The following FHOD3 variants were observed in gnomAD, a reference collection of about 807,000 sequenced individuals.
FHOD3 encodes the protein formin homology 2 domain containing 3, also known as FH1/FH2 domain-containing protein 3.
A neutral mutation model predicts 173.0 loss-of-function variants in FHOD3; 90 were observed. The observed-to-expected ratio is 0.52, with a 90% confidence interval of 0.44 to 0.62. The LOEUF is 0.62. Ranked by LOEUF, FHOD3 falls within the 20% of genes least tolerant of loss-of-function variation. The probability of loss-of-function intolerance (pLI) is 0.00; values close to 1 mark genes in which losing one functional copy is unlikely to be tolerated. For synonymous variants in FHOD3, 828 were observed against 823.0 expected (o/e 1.01, Z -0.10); for missense variants, 1,945 against 2,034.7 (o/e 0.96, Z 0.85).
At chr18:36,749,955 T>C (rs969340645) in intron 24 of FHOD3, among the ~76,000 whole-genome samples, 3 of 152,146 alleles carry the variant, frequency 2.0e-5, no homozygotes, top group Non-Finnish European at 4.4e-5. Flanking sequence ...CTTTTTTTTT[T>C]CCATATTCTT....
intron 3 of FHOD3, among the ~76,000 whole-genome samples, chr18:36,454,517 G>A (rs750625967): frequency 1.1e-4 from 16 of 151,930 alleles, no homozygotes; most frequent in Admixed American, 9.8e-4. Context: ...TTCCTTTCTT[G>A]TAGAACCTGT....
At chr18:36,736,847 G>C (rs889995285) in intron 20 of FHOD3, among the ~76,000 whole-genome samples, 63 of 152,318 alleles carry the variant, frequency 4.1e-4, no homozygotes, top group African/African-American at 1.4e-3. Context: ...GCCTTTGCCA[G>C]GCACCCCACC....
intron 1 of FHOD3, among the ~76,000 whole-genome samples, chr18:36,333,185 T>C (rs1023022275): frequency 6.6e-6 from 1 of 152,240 alleles, no homozygotes; most frequent in African/African-American, 2.4e-5. Flanking sequence ...AGAAACTCAC[T>C]GTCTCCACTG....
intron 5 of FHOD3, among the ~76,000 whole-genome samples, chr18:36,513,252 A>G (rs960542295): frequency 6.6e-6 from 1 of 152,126 alleles, no homozygotes; most frequent in African/African-American, 2.4e-5. Flanking sequence ...ACCGTATGAA[A>G]TTGCTGCTAT....
chr18:36,737,453 CTCTT>C (rs1426541074), intron 20 of FHOD3, among the ~76,000 whole-genome samples: 2 of 152,180 alleles, frequency 1.3e-5, no homozygotes, highest in Non-Finnish European at 2.9e-5. Flanking sequence ...TCTTGGCTAT[CTCTT>C]AATGCCATCT....
intron 3 of FHOD3, among the ~76,000 whole-genome samples, chr18:36,400,478 T>C (rs752825085): frequency 2.0e-4 from 31 of 152,172 alleles, no homozygotes; most frequent in South Asian, 6.2e-4. Flanking sequence ...GCCAGCAGCA[T>C]TGACATTACC....
At chr18:36,767,407 T>A (rs527969679) in intron 27 of FHOD3, among the ~76,000 whole-genome samples, 63 of 152,194 alleles carry the variant, frequency 4.1e-4, no homozygotes, top group Middle Eastern at 3.4e-3. Flanking sequence ...GCAACCTCTG[T>A]CTCCCGGGTT....
rs796848917 is a variant in FHOD3, at chr18:36,358,639, T to A, written c.272+2994T>A. Among the ~76,000 whole-genome samples the A allele has an allele frequency of 1.8e-4, 27 of 152,300 alleles. 1 individual carries two copies. Among genetic ancestry groups the A allele is most frequent in the African/African-American group, 5.8e-4 (24 of 41,576 alleles). On this transcript the variant is annotated intron_variant, in intron 2 of 28. Transcript: ENST00000590592. ...CAGAGGAAGGTAGCCCAAAAGATATTGAATAGCTACACATTTAAAATTTTT... is the reference window on the plus strand; with the variant it reads ...CAGAGGAAGGTAGCCCAAAAGATATAGAATAGCTACACATTTAAAATTTTT...
At chr18:36,619,760 G>C (rs1056416837) in intron 9 of FHOD3, among the ~76,000 whole-genome samples, 1 of 152,222 alleles carries the variant, frequency 6.6e-6, no homozygotes, top group Non-Finnish European at 1.5e-5. Context: ...AAGAACGTGC[G>C]TAAGCAGAGG....
intron 7 of FHOD3, among the ~76,000 whole-genome samples, chr18:36,600,912 C>T (rs2031287532): frequency 6.6e-6 from 1 of 152,358 alleles, no homozygotes; most frequent in East Asian, 1.9e-4. Flanking sequence ...TAACTCACTA[C>T]AACATGTGTT....
rs907560847 is a variant in FHOD3, at chr18:36,391,700, TGTAAA to T, written c.337+18958_337+18962del. ...ATCTTCCTAGGCCTCAGGTGACTCT[TGTAAA>T]GGGCATGGTTGGTCATCGTGTGCAC... On this transcript the variant is annotated intron_variant, in intron 3 of 28. Transcript: ENST00000590592. 2.0e-5 allele frequency among the ~76,000 whole-genome samples: 3 copies of T among 152,120 alleles called. No individual in the cohort carries two copies. In the South Asian group the frequency reaches 6.2e-4, roughly 31 times the overall value.
rs966445756 is a variant in FHOD3 at position 36,435,239 on chromosome 18, A to G, written c.337+62495A>G. 9.9e-5 allele frequency among the ~76,000 whole-genome samples: 15 copies of G among 152,138 alleles called. No homozygotes were observed. In the East Asian group the frequency reaches 2.7e-3, roughly 27 times the overall value. On this transcript the variant is annotated intron_variant, in intron 3 of 28. Transcript: ENST00000590592. Reference sequence around the variant, plus strand: ...TAGTTATACCTGGAAGTATTCATATATTCATTTTTATAGCTATAATTAGCT... The same window carrying G: ...TAGTTATACCTGGAAGTATTCATATGTTCATTTTTATAGCTATAATTAGCT...
chr18:36,406,245 G>GC (rs2049060360), intron 3 of FHOD3, among the ~76,000 whole-genome samples: 1 of 152,212 alleles, frequency 6.6e-6, no homozygotes, highest in African/African-American at 2.4e-5. Context: ...AATAGGCATT[G>GC]CTGCTACAAA....
chr18:36,762,636 A>AG (rs1488630167), intron 27 of FHOD3, among the ~76,000 whole-genome samples: 2 of 151,968 alleles, frequency 1.3e-5, no homozygotes, highest in East Asian at 3.8e-4. Flanking sequence ...GTCTCTACTA[A>AG]AATTACAAAA....
intron 6 of FHOD3, among the ~76,000 whole-genome samples, chr18:36,581,427 C>T (rs919293753): frequency 6.6e-6 from 1 of 152,212 alleles, no homozygotes; most frequent in African/African-American, 2.4e-5. Context: ...CACCTCCTTG[C>T]TGCCTCTTAG....
At position 36,717,996 on chromosome 18, in the gene FHOD3, G is replaced by C. The variant is rs2040553285; in HGVS notation, c.2698G>C (p.Glu900Gln). ...GEAGRTQQEAEAVASLATRIS... is the reference protein window; with the variant it reads ...GEAGRTQQEAQAVASLATRIS... ...GGCTGGGAGGACCCAGCAGGAGGCA[G>C]AGGCGGTAGCCAGCCTTGCTACCAG... Residue 900 changes from glutamate to glutamine, a missense_variant, in exon 19 of 29, where the codon GAG (glutamate) becomes CAG (glutamine). By Grantham distance (29) the Glu-to-Gln change is conservative. Around this residue, in one of 5 missense-constraint regions of FHOD3, gnomAD observed 1,099 missense variants for 1,051.2 expected, o/e 1.05. Coordinates refer to ENST00000590592, the MANE Select transcript of FHOD3 (RefSeq NM_001281740.3). The C allele has an allele frequency of 6.2e-7, 1 of 1,612,514 alleles. No individual in the cohort carries two copies. Among genetic ancestry groups the C allele is most frequent in the South Asian group, 1.1e-5 (1 of 90,714 alleles).
At chr18:36,746,749 T>C (rs2150111058) in intron 23 of FHOD3, among the ~76,000 whole-genome samples, 196 bp from the exon 24 acceptor site, 1 of 152,372 alleles carries the variant, frequency 6.6e-6, no homozygotes, top group African/African-American at 2.4e-5. Context: ...TGGAGAACAG[T>C]TTTATCACTA....
chr18:36,423,256 T>C (rs2050077711), intron 3 of FHOD3, among the ~76,000 whole-genome samples: 1 of 152,240 alleles, frequency 6.6e-6, no homozygotes, highest in South Asian at 2.1e-4. Context: ...TTTTTATGAT[T>C]TAATGCCATG....
intron 1 of FHOD3, among the ~76,000 whole-genome samples, chr18:36,329,850 C>T (rs2044893699): frequency 1.3e-5 from 2 of 152,162 alleles, no homozygotes; most frequent in South Asian, 2.1e-4. Context: ...CCATTGGGCC[C>T]GTTGCCATCA....
Sources: allele counts gnomAD v4.1 joint callset (sites outside exome capture counted in the v4.1 genomes callset), GRCh38; gene constraint gnomAD v4.1.1; regional missense constraint gnomAD v4.1.1; transcripts MANE v1.5; gene names NCBI Gene and HGNC (gene_info 2026-07-23, HGNC 2026-07-21).